Variants in EXOC4 observed in about 807,000 individuals in gnomAD.
The protein encoded by EXOC4 is exocyst complex component 4.
Under a neutral mutation model 107.2 loss-of-function variants are expected in EXOC4, and 71 were observed. The observed-to-expected ratio is 0.66, with a 90% CI of 0.55 to 0.81. The LOEUF is 0.81. Among genes scored for constraint, EXOC4 ranks in the 30% least tolerant of loss-of-function variants. EXOC4 has a pLI of 0.00. For missense variants in EXOC4, 1,108 were observed against 1,189.6 expected, an observed-to-expected ratio of 0.93 and a Z score of 1.01; for synonymous variants, 456 against 441.2, an observed-to-expected ratio of 1.03 and a Z score of -0.42.
At chr7:133,970,618 G>A (rs574662390) in intron 14 of EXOC4, among the ~76,000 whole-genome samples, 9 of 152,244 alleles carry the variant, frequency 5.9e-5, no homozygotes, top group African/African-American at 9.6e-5. Context: ...GACTCCTTGC[G>A]CTTCCTGGTT....
At chr7:133,606,888 A>G (rs6946912) in intron 9 of EXOC4, among the ~76,000 whole-genome samples, 3,570 of 152,120 alleles carry the variant, frequency 0.023, 140 homozygotes, top group African/African-American at 0.082. Context: ...GTCTCTTACA[A>G]ATCGCTTTCT....
At chr7:134,077,450 A>C in the EXOC4 span, among the ~76,000 whole-genome samples, 2 of 152,228 alleles carry the variant, frequency 1.3e-5, no homozygotes, top group Non-Finnish European at 2.9e-5. Flanking sequence ...CTTACCAGCT[A>C]TCTGGGCATC....
chr7:133,378,863 G>A (rs748802969), intron 7 of EXOC4, among the ~76,000 whole-genome samples: 2 of 151,954 alleles, frequency 1.3e-5, no homozygotes, highest in East Asian at 3.9e-4. Flanking sequence ...GATAGACTTA[G>A]CACCAACCAT....
chr7:133,549,010 A>G (rs1391893114), intron 9 of EXOC4, among the ~76,000 whole-genome samples: 2 of 152,098 alleles, frequency 1.3e-5, no homozygotes, highest in African/African-American at 2.4e-5. Flanking sequence ...TAATTAGTTA[A>G]TATGTTTTCT....
At chr7:133,953,490 AT>A (rs964290724) in intron 14 of EXOC4, among the ~76,000 whole-genome samples, 3 of 134,030 alleles carry the variant, frequency 2.2e-5, no homozygotes, top group Non-Finnish European at 3.4e-5. Flanking sequence ...ACAAAAAAAA[AT>A]TTTTTTTTAA....
chr7:133,494,573 C>A (rs1391136715), intron 9 of EXOC4, among the ~76,000 whole-genome samples: 1 of 152,176 alleles, frequency 6.6e-6, no homozygotes, highest in African/African-American at 2.4e-5. Context: ...TGTCATGAAT[C>A]ATTTTTTAAA....
chr7:133,375,820 T>C (rs1796477788), intron 7 of EXOC4, among the ~76,000 whole-genome samples: 1 of 152,202 alleles, frequency 6.6e-6, no homozygotes, highest in Non-Finnish European at 1.5e-5. Context: ...TTCTTTGGTA[T>C]GATGCTGCTG....
the EXOC4 span, among the ~76,000 whole-genome samples, chr7:134,074,305 C>T: frequency 2.0e-5 from 3 of 152,224 alleles, no homozygotes; most frequent in Non-Finnish European, 4.4e-5. Flanking sequence ...TTTTCTCTCT[C>T]TCCTCCCCTC....
chr7:134,041,038 TAA>T (rs1795503970), intron 17 of EXOC4, among the ~76,000 whole-genome samples: 1 of 152,180 alleles, frequency 6.6e-6, no homozygotes. Flanking sequence ...AAACTGATGG[TAA>T]AACCCACCAA....
rs1800029234 is a variant in EXOC4, at chr7:133,925,416, A to G, written c.2027+7678A>G. 2.0e-5 allele frequency among the ~76,000 whole-genome samples: 3 copies of G among 152,304 alleles called. No homozygotes were observed. The South Asian group carries it at 6.2e-4, about 32-fold the overall frequency. On this transcript the variant is annotated intron_variant, in intron 13 of 17. Coordinates refer to ENST00000253861, the MANE Select transcript of EXOC4 (RefSeq NM_021807.4). The stretch of plus-strand genomic sequence containing the variant: ...CCCATTGTCTTTGCACCTGCCATAT[A>G]TATGTATATATTTATCCTTTTGAGA...
the EXOC4 span, among the ~76,000 whole-genome samples, chr7:134,077,380 A>C: frequency 6.6e-6 from 1 of 152,190 alleles, no homozygotes; most frequent in Non-Finnish European, 1.5e-5. Flanking sequence ...TACACAGCCT[A>C]CTGCTTCAAA....
downstream of EXOC4, among the ~76,000 whole-genome samples, chr7:134,067,630 T>TACAC (rs1491203303): frequency 0.041 from 825 of 20,198 alleles, 9 homozygotes; most frequent in African/African-American, 0.2. Context: ...AACTCTTATA[T>TACAC]ATATATATAC....
chr7:133,916,445 T>G (rs952727964), intron 12 of EXOC4, among the ~76,000 whole-genome samples: 5 of 152,154 alleles, frequency 3.3e-5, no homozygotes, highest in Non-Finnish European at 7.4e-5. Context: ...CTTTTTGTTT[T>G]TGTTTTGTAG....
chr7:133,284,094 C>G (rs541672943), intron 2 of EXOC4, among the ~76,000 whole-genome samples: 2 of 152,282 alleles, frequency 1.3e-5, no homozygotes, highest in East Asian at 3.9e-4. Context: ...TCTACACAGC[C>G]TGATGCTAAT....
At chr7:133,530,017 A>G (rs1321830279) in intron 9 of EXOC4, among the ~76,000 whole-genome samples, 1 of 152,164 alleles carries the variant, frequency 6.6e-6, no homozygotes, top group African/African-American at 2.4e-5. Context: ...GTGTGAGAGT[A>G]GATGTGGAAA....
intron 7 of EXOC4, among the ~76,000 whole-genome samples, chr7:133,436,868 C>G (rs2150784416): frequency 6.6e-6 from 1 of 152,052 alleles, no homozygotes; most frequent in Non-Finnish European, 1.5e-5. Context: ...AACTTATGAT[C>G]TTTTCCCATG....
chr7:133,259,772 G>A (rs1795101996), intron 1 of EXOC4, among the ~76,000 whole-genome samples: 1 of 152,186 alleles, frequency 6.6e-6, no homozygotes, highest in African/African-American at 2.4e-5. Context: ...GTGAATGTAT[G>A]TGTGTATATG....
chr7:133,365,406 AT>A (rs1480584107), intron 6 of EXOC4, among the ~76,000 whole-genome samples: 1 of 152,112 alleles, frequency 6.6e-6, no homozygotes, highest in Non-Finnish European at 1.5e-5. Flanking sequence ...GCCTGGGTTT[AT>A]TTTCTAATTT....
chr7:133,836,668 T>C (rs1295671514), intron 11 of EXOC4, among the ~76,000 whole-genome samples: 2 of 152,140 alleles, frequency 1.3e-5, no homozygotes, highest in Non-Finnish European at 2.9e-5. Flanking sequence ...TTTCAAAATT[T>C]CAGAGTGTTT....
Sources: gnomAD v4.1 joint callset for allele counts (sites outside exome capture counted in the v4.1 genomes callset) on GRCh38, gnomAD v4.1.1 for gene constraint, MANE v1.5 for transcripts, NCBI Gene and HGNC (gene_info 2026-07-23, HGNC 2026-07-21) for gene names.